PGGT1B: variants seen among roughly 807,000 people sequenced by gnomAD.
The protein encoded by PGGT1B is geranylgeranyl transferase type-1 subunit beta.
PGGT1B carries 30 observed loss-of-function variants against 46.1 expected under a neutral mutation model. The ratio of observed to expected loss-of-function variants is 0.65; its 90% CI spans 0.49 to 0.88. The LOEUF (loss-of-function observed/expected upper bound fraction) is 0.88, where lower values mean the gene tolerates loss of function less well. Among genes scored for constraint, PGGT1B ranks in the 40% least tolerant of loss-of-function variants. PGGT1B has a pLI of 0.00. For missense variants in PGGT1B, 376 were observed against 455.9 expected (o/e 0.82, Z 1.60); for synonymous variants, 170 against 160.0 (o/e 1.06, Z -0.47).
At chr5:115,226,247 G>A (rs568432992) in intron 6 of PGGT1B, among the ~76,000 whole-genome samples, 5 of 152,084 alleles carry the variant, frequency 3.3e-5, no homozygotes, top group Admixed American at 2.6e-4. Context: ...CTTTCTGAGC[G>A]CCTGCATGAC....
intron 2 of PGGT1B, among the ~76,000 whole-genome samples, chr5:115,251,200 T>C (rs916638301): frequency 6.6e-6 from 1 of 152,152 alleles, no homozygotes; most frequent in Non-Finnish European, 1.5e-5. Flanking sequence ...AAAGCAGCTA[T>C]AAAACTCCTT....
chr5:115,254,667 T>C (rs1748240541), intron 1 of PGGT1B, among the ~76,000 whole-genome samples: 1 of 151,640 alleles, frequency 6.6e-6, no homozygotes, highest in Non-Finnish European at 1.5e-5. Context: ...GCAGCATCCA[T>C]TAGATAACAG....
At chr5:115,226,950 C>A (rs1232662067) in intron 6 of PGGT1B, among the ~76,000 whole-genome samples, 1 of 151,712 alleles carries the variant, frequency 6.6e-6, no homozygotes, top group Non-Finnish European at 1.5e-5. Flanking sequence ...CAAGCAGAAG[C>A]AAGTGGAAAG....
chr5:115,253,431 T>G (rs1748187465), intron 1 of PGGT1B, among the ~76,000 whole-genome samples, 176 bp from the exon 2 acceptor site: 1 of 151,928 alleles, frequency 6.6e-6, no homozygotes, highest in South Asian at 2.1e-4. Flanking sequence ...ATACTATCAG[T>G]CAAGCCTTTT....
intron 2 of PGGT1B, among the ~76,000 whole-genome samples, chr5:115,250,163 C>T (rs1748028245): frequency 6.6e-6 from 1 of 151,104 alleles, no homozygotes; most frequent in Non-Finnish European, 1.5e-5. Flanking sequence ...CTTTATAATC[C>T]CCAGGTTTTG....
rs954523825 is a variant in PGGT1B, at chr5:115,210,339, A to G, written c.*2063T>C. The G allele has an allele frequency of 1.8e-4, 27 of 152,136 alleles. No homozygotes were observed. The highest frequency in any genetic ancestry group is 8.8e-5 in the Non-Finnish European group (6 of 68,004). 9.4% of individuals were successfully genotyped at this position (152,136 alleles called of 1,614,324 possible). On this transcript the variant is annotated 3_prime_UTR_variant, in exon 9 of 9. Transcript: ENST00000419445. ...GTGTATATGTGAAATATTGCTTATA[A>G]TTTATTTAATCGATAAATGCTTTTC...
intron 1 of PGGT1B, among the ~76,000 whole-genome samples, chr5:115,261,779 A>T (rs1223735408): frequency 6.6e-6 from 1 of 152,206 alleles, no homozygotes; most frequent in Non-Finnish European, 1.5e-5. Flanking sequence ...AGATATCTGG[A>T]TTATGTACAT....
At chr5:115,232,890 C>G (rs550781690) in intron 5 of PGGT1B, among the ~76,000 whole-genome samples, 1 of 152,004 alleles carries the variant, frequency 6.6e-6, no homozygotes, top group South Asian at 2.1e-4. Context: ...CTTTGAAAAT[C>G]AGGTGATAAA....
intron 6 of PGGT1B, among the ~76,000 whole-genome samples, chr5:115,226,618 C>A (rs764742103): frequency 6.6e-6 from 1 of 151,876 alleles, no homozygotes; most frequent in Non-Finnish European, 1.5e-5. Flanking sequence ...AACAAACTAA[C>A]AGAAGTACAC....
rs769970202 is a variant in PGGT1B at position 115,262,867 on chromosome 5, A to C, written c.-16T>G. On this transcript the variant is annotated 5_prime_UTR_variant, in exon 1 of 9. Transcript: ENST00000419445. ...TGGCCGCCATGCTGCTCCGGAAGCGACGTCCGCCGCGACCCGGAATCAGTG... is the reference window on the plus strand; with the variant it reads ...TGGCCGCCATGCTGCTCCGGAAGCGCCGTCCGCCGCGACCCGGAATCAGTG... The C allele has an allele frequency of 6.2e-7, 1 of 1,611,200 alleles. No homozygotes were observed. The highest frequency in any genetic ancestry group is 1.1e-5 in the South Asian group (1 of 90,952).
intron 2 of PGGT1B, 21 bp from the exon 3 acceptor site, chr5:115,241,627 CT>C: frequency 6.3e-7 from 1 of 1,578,220 alleles, no homozygotes; most frequent in Non-Finnish European, 8.6e-7. Flanking sequence ...AAAGCATGTG[CT>C]TATTTAAAGT....
chr5:115,212,731 C>G, intron 8 of PGGT1B, 148 bp from the exon 9 acceptor site: 1 of 521,984 alleles, frequency 1.9e-6, no homozygotes, highest in African/African-American at 2.0e-5. Flanking sequence ...TTTGCTTTCT[C>G]AAAGCCTCAA....
chr5:115,222,027 C>T lies in PGGT1B; in HGVS notation c.659-19G>A, dbSNP rs1756604130. ...GATCCTCCTGTTAATCAAAACCACA[C>T]AACGTTTTAAACTTCAAATTAGATG... On this transcript the variant is annotated intron_variant, in intron 6 of 8. Transcript: ENST00000419445. The T allele has an allele frequency of 6.8e-7, 1 of 1,480,098 alleles. No homozygotes were observed. The highest frequency in any genetic ancestry group is 2.3e-5 in the Admixed American group (1 of 43,860). The allele number at this position is 1,480,098 out of a possible 1,614,324, so 91.7% of individuals were successfully genotyped here.
rs1402587464 is a variant in PGGT1B at position 115,206,518 on chromosome 5, A to G, written c.*5884T>C. 1 of 151,970 alleles carries G rather than the reference A, an allele frequency of 6.6e-6. No homozygotes were observed. Among genetic ancestry groups the G allele is most frequent in the Non-Finnish European group, 1.5e-5 (1 of 67,874 alleles). 9.4% of individuals were successfully genotyped at this position (151,970 alleles called of 1,614,324 possible). ...CTGTATTCTAAATGCCACTGAGTCT[A>G]TTTCTGGAATTCCTCTTCTGTTCCA... On this transcript the variant is annotated 3_prime_UTR_variant, in exon 9 of 9. Coordinates refer to ENST00000419445, the MANE Select transcript of PGGT1B (RefSeq NM_005023.4).
At position 115,224,408 on chromosome 5, in the gene PGGT1B, G is replaced by A. The variant is rs946621530; in HGVS notation, c.659-2400C>T. ...ACTCTTTACTTTGTCCAAACTACTG[G>A]ATTTTGAACATAGTAACTCCAGAAG... On this transcript the variant is annotated intron_variant, in intron 6 of 8. Coordinates refer to ENST00000419445, the MANE Select transcript of PGGT1B (RefSeq NM_005023.4). Among the ~76,000 whole-genome samples, 20 of 152,160 alleles carry A rather than the reference G, an allele frequency of 1.3e-4. No individual in the cohort carries two copies. The East Asian group carries it at 3.7e-3, about 28-fold the overall frequency.
At chr5:115,216,797 CTGA>C (rs753842680) in intron 8 of PGGT1B, 65 bp downstream of exon 8, 70 of 807,402 alleles carry the variant, frequency 8.7e-5, no homozygotes, top group Non-Finnish European at 1.5e-4. Flanking sequence ...TATGCCTTTT[CTGA>C]TAAAGATGCT....
intron 6 of PGGT1B, among the ~76,000 whole-genome samples, chr5:115,227,592 T>C (rs1031822156): frequency 1.3e-5 from 2 of 152,180 alleles, no homozygotes; most frequent in African/African-American, 4.8e-5. Flanking sequence ...TCTGGCTTTC[T>C]AGATTTCCCT....
At chr5:115,231,874 C>T (rs550096969) in intron 5 of PGGT1B, 1 of 152,178 alleles carries the variant, frequency 6.6e-6, no homozygotes, top group Admixed American at 6.6e-5. Context: ...AAGTACAAAA[C>T]TCCGTTGCTG....
chr5:115,241,249 A>G (rs1299953200), intron 3 of PGGT1B, among the ~76,000 whole-genome samples: 1 of 152,192 alleles, frequency 6.6e-6, no homozygotes, highest in Non-Finnish European at 1.5e-5. Flanking sequence ...TAACTTTTAC[A>G]CACAGATGTA....
Sources: allele counts gnomAD v4.1 joint callset (sites outside exome capture counted in the v4.1 genomes callset), GRCh38; gene constraint gnomAD v4.1.1; transcripts MANE v1.5; gene names NCBI Gene and HGNC (gene_info 2026-07-23, HGNC 2026-07-21).